Variants in AASS observed in about 807,000 individuals in gnomAD.
AASS encodes the protein alpha-aminoadipic semialdehyde synthase, mitochondrial.
AASS carries 86 observed loss-of-function variants against 105.4 expected under a neutral mutation model. The ratio of observed to expected loss-of-function variants is 0.82; its 90% CI spans 0.69 to 0.98. The LOEUF is 0.98. Among genes scored for constraint, AASS ranks in the 50% least tolerant of loss-of-function variants. The probability of loss-of-function intolerance (pLI) is 0.00; values close to 1 mark genes in which losing one functional copy is unlikely to be tolerated. For missense variants in AASS, 1,048 were observed against 1,143.2 expected, an observed-to-expected ratio of 0.92 and a Z score of 1.20; for synonymous variants, 381 against 394.8, an observed-to-expected ratio of 0.96 and a Z score of 0.41.
chr7:122,114,308 A>T (rs1008160732), intron 9 of AASS, among the ~76,000 whole-genome samples: 2 of 152,092 alleles, frequency 1.3e-5, no homozygotes, highest in Admixed American at 6.5e-5. Flanking sequence ...TGTTCTCCTC[A>T]TTCCTCCCTT....
In AASS at chr7:122,092,906, G is replaced by C; in HGVS notation, c.1812C>G (p.Asp604Glu). 6.2e-7 allele frequency: 1 copy of C among 1,613,872 alleles called. No individual in the cohort carries two copies. The highest frequency in any genetic ancestry group is 8.5e-7 in the Non-Finnish European group (1 of 1,179,890). ...GITIIGELGL[D>E]PGLDHMLAME... ...TTGCTAACATGTGATCCAGACCAGG[G>C]TCCAATCCCAATTCACCAATGATTG... The change falls in exon 17 of 24, where the codon GAC becomes GAG. Residue 604 changes from aspartate to glutamate, a missense_variant. Physicochemically the swap from Asp to Glu is conservative, Grantham distance 45. Coordinates refer to ENST00000417368, the MANE Select transcript of AASS (RefSeq NM_005763.4).
chr7:122,084,112 C>T (rs1306540697), intron 19 of AASS, among the ~76,000 whole-genome samples: 1 of 152,072 alleles, frequency 6.6e-6, no homozygotes, highest in Non-Finnish European at 1.5e-5. Context: ...AAAGTTTTTA[C>T]TCATATTCTT....
chr7:122,139,031 A>T (rs1796272527), intron 1 of AASS, among the ~76,000 whole-genome samples: 2 of 152,026 alleles, frequency 1.3e-5, no homozygotes, highest in Admixed American at 6.6e-5. Flanking sequence ...AGAGAATCTC[A>T]TGTGTGGTTA....
intron 2 of AASS, among the ~76,000 whole-genome samples, chr7:122,131,540 T>C (rs1795917827): frequency 6.6e-6 from 1 of 151,956 alleles, no homozygotes; most frequent in South Asian, 2.1e-4. Flanking sequence ...TTGTGCAATG[T>C]TAAATTTTAA....
intron 4 of AASS, among the ~76,000 whole-genome samples, chr7:122,124,396 C>T (rs925894386): frequency 6.6e-6 from 1 of 152,182 alleles, no homozygotes; most frequent in Non-Finnish European, 1.5e-5. Flanking sequence ...AATTCTCCTG[C>T]TTTAGCCTCC....
At chr7:122,113,081 G>T in intron 11 of AASS, 37 bp downstream of exon 11, 1 of 1,503,470 alleles carries the variant, frequency 6.7e-7, no homozygotes, top group Non-Finnish European at 9.3e-7. Context: ...TCAATTTAAA[G>T]CCACAGAGTT....
chr7:122,085,211 A>G (rs1793563253), intron 19 of AASS, among the ~76,000 whole-genome samples: 1 of 152,130 alleles, frequency 6.6e-6, no homozygotes. Context: ...AACCCTACTC[A>G]CACACATCTT....
chr7:122,105,510 T>C (rs992963954), intron 11 of AASS, among the ~76,000 whole-genome samples: 1 of 151,998 alleles, frequency 6.6e-6, no homozygotes, highest in African/African-American at 2.4e-5. Flanking sequence ...TTCAAAAAAA[T>C]TGAAATCATA....
chr7:122,076,326 C>T lies in AASS; in HGVS notation c.*163G>A. 3.2e-6 allele frequency: 2 copies of T among 617,630 alleles called. No homozygotes were observed. The highest frequency in any genetic ancestry group is 5.7e-6 in the Non-Finnish European group (2 of 348,496). 38.3% of individuals were successfully genotyped at this position (617,630 alleles called of 1,614,324 possible). ...AGTGGCTTGCATCTCCTGTTCCAAA[C>T]ATTTCCATATTAAAATAAAGATTTA... On this transcript the variant is annotated 3_prime_UTR_variant, in exon 24 of 24. Transcript: ENST00000417368.
intron 1 of AASS, among the ~76,000 whole-genome samples, chr7:122,134,175 G>C (rs1796039618): frequency 6.6e-6 from 1 of 152,086 alleles, no homozygotes; most frequent in Admixed American, 6.5e-5. Flanking sequence ...TCACAATTTA[G>C]TGCCAACCTC....
intron 1 of AASS, among the ~76,000 whole-genome samples, chr7:122,143,519 G>A (rs943018100): frequency 1.3e-5 from 2 of 151,276 alleles, no homozygotes; most frequent in Admixed American, 6.6e-5. Context: ...AGTCCCGCAG[G>A]GGCTGAAGAG....
intron 4 of AASS, among the ~76,000 whole-genome samples, chr7:122,124,167 C>T (rs1240807702): frequency 1.3e-5 from 2 of 152,206 alleles, no homozygotes; most frequent in Non-Finnish European, 2.9e-5. Context: ...TCCTCTCCTA[C>T]TTCCCTGAAT....
chr7:122,118,298 A>G lies in AASS; in HGVS notation c.687+9T>C. The stretch of plus-strand genomic sequence containing the variant: ...ATTGTTTTACAAAAGGAAGTCAGGT[A>G]AAAGTTACCTTAGAAACATTACCAG... On this transcript the variant is annotated intron_variant, in intron 6 of 23. Coordinates refer to ENST00000417368, the MANE Select transcript of AASS (RefSeq NM_005763.4). The G allele has an allele frequency of 1.9e-6, 3 of 1,613,846 alleles. No individual in the cohort carries two copies. Among genetic ancestry groups the G allele is most frequent in the Non-Finnish European group, 2.5e-6 (3 of 1,179,992 alleles).
chr7:122,079,499 A>C, intron 21 of AASS, 98 bp downstream of exon 21: 1 of 1,121,458 alleles, frequency 8.9e-7, no homozygotes, highest in East Asian at 2.5e-5. Flanking sequence ...GCAACGAATT[A>C]ATCAAAGACA....
intron 13 of AASS, among the ~76,000 whole-genome samples, chr7:122,100,853 C>G (rs1397771361): frequency 6.6e-6 from 1 of 151,750 alleles, no homozygotes; most frequent in Non-Finnish European, 1.5e-5. Context: ...TGGCACCTTC[C>G]CCCTAATAAG....
chr7:122,140,506 A>AAAAAAAAAAAAAAAAAAAC (rs1278866245), intron 1 of AASS, among the ~76,000 whole-genome samples: 1 of 149,932 alleles, frequency 6.7e-6, no homozygotes, highest in African/African-American at 2.5e-5. Context: ...AAAAAAAAAA[A>AAAAAAAAAAAAAAAAAAAC]AAGAATGAAC....
intron 13 of AASS, 101 bp downstream of exon 13, chr7:122,101,270 C>T (rs1794418068): frequency 1.0e-6 from 1 of 972,660 alleles, no homozygotes; most frequent in Admixed American, 1.8e-5. Context: ...ATATAGTGTA[C>T]AAACCTAATA....
intron 1 of AASS, among the ~76,000 whole-genome samples, chr7:122,135,019 C>T (rs1215903627): frequency 1.3e-5 from 2 of 152,180 alleles, no homozygotes; most frequent in Middle Eastern, 3.4e-3. Flanking sequence ...CAAACTATCA[C>T]AAGGACAGAA....
At chr7:122,102,883 T>C (rs940646640) in intron 11 of AASS, among the ~76,000 whole-genome samples, 3 of 151,704 alleles carry the variant, frequency 2.0e-5, no homozygotes, top group Non-Finnish European at 4.4e-5. Context: ...AGGTAAGAAT[T>C]TACTGAAAAC....
Sources: allele counts gnomAD v4.1 joint callset (sites outside exome capture counted in the v4.1 genomes callset), GRCh38; gene constraint gnomAD v4.1.1; transcripts MANE v1.5; gene names NCBI Gene and HGNC (gene_info 2026-07-23, HGNC 2026-07-21).